The following ADAMTS17 variants were observed in gnomAD, a reference collection of about 807,000 sequenced individuals.
ADAMTS17 encodes the protein A disintegrin and metalloproteinase with thrombospondin motifs 17.
ADAMTS17 carries 113 observed loss-of-function variants against 141.5 expected under a neutral mutation model. The ratio of observed to expected loss-of-function variants is 0.80; its 90% CI spans 0.69 to 0.93. The LOEUF is 0.93. Among genes scored for constraint, ADAMTS17 ranks in the 40% least tolerant of loss-of-function variants. ADAMTS17 has a pLI of 0.00. For missense variants in ADAMTS17, 1,659 were observed against 1,517.9 expected (o/e 1.09, Z -1.54); for synonymous variants, 768 against 630.6 (o/e 1.22, Z -3.27).
At chr15:100,268,587 G>A (rs1233746799) in intron 4 of ADAMTS17, among the ~76,000 whole-genome samples, 1 of 152,178 alleles carries the variant, frequency 6.6e-6, no homozygotes, top group African/African-American at 2.4e-5. Flanking sequence ...CCGTGTGTAT[G>A]TCTTCTTTTG....
chr15:100,035,370 G>A (rs1406741866), intron 18 of ADAMTS17, among the ~76,000 whole-genome samples: 4 of 152,232 alleles, frequency 2.6e-5, no homozygotes, highest in African/African-American at 7.2e-5. Context: ...TAATTCTGGA[G>A]TATTTCCAGA....
At chr15:99,977,749 G>A (rs1274839897) in intron 20 of ADAMTS17, among the ~76,000 whole-genome samples, 2 of 151,954 alleles carry the variant, frequency 1.3e-5, no homozygotes, top group Non-Finnish European at 2.9e-5. Flanking sequence ...TTCCCAGGTA[G>A]GAACTGGCCA....
chr15:100,318,906 G>A (rs1270230212), intron 3 of ADAMTS17, among the ~76,000 whole-genome samples: 3 of 152,260 alleles, frequency 2.0e-5, no homozygotes, highest in Non-Finnish European at 4.4e-5. Flanking sequence ...GTGCAGGGAA[G>A]TCTGTCTGCA....
intron 9 of ADAMTS17, among the ~76,000 whole-genome samples, chr15:100,152,970 T>TCA (rs57637331): frequency 6.6e-6 from 1 of 151,312 alleles, no homozygotes; most frequent in Admixed American, 6.6e-5. Context: ...GAATCTTCGC[T>TCA]CTGAAGGTAG....
intron 3 of ADAMTS17, among the ~76,000 whole-genome samples, chr15:100,303,423 T>C (rs1228911017): frequency 1.3e-5 from 2 of 151,572 alleles, no homozygotes; most frequent in Non-Finnish European, 2.9e-5. Context: ...TTTTTACTTT[T>C]TTGATGGTAT....
intron 3 of ADAMTS17, among the ~76,000 whole-genome samples, chr15:100,320,574 T>C (rs528248808): frequency 6.6e-5 from 10 of 152,332 alleles, no homozygotes; most frequent in African/African-American, 2.4e-4. Context: ...GGCCCACACC[T>C]GTAGTCCCAG....
At chr15:99,975,678 G>A (rs1212655801) in intron 21 of ADAMTS17, among the ~76,000 whole-genome samples, 1 of 152,146 alleles carries the variant, frequency 6.6e-6, no homozygotes, top group Non-Finnish European at 1.5e-5. Context: ...CCCCATGTGT[G>A]CATCCTCATG....
intron 8 of ADAMTS17, among the ~76,000 whole-genome samples, chr15:100,167,546 C>A (rs998898180): frequency 6.6e-6 from 1 of 152,100 alleles, no homozygotes; most frequent in Non-Finnish European, 1.5e-5. Flanking sequence ...GAGAAACCAC[C>A]GGGCTGCACT....
At chr15:100,186,690 G>A (rs2040730263) in intron 8 of ADAMTS17, among the ~76,000 whole-genome samples, 1 of 152,172 alleles carries the variant, frequency 6.6e-6, no homozygotes, top group Non-Finnish European at 1.5e-5. Context: ...TTTAACTGCA[G>A]CAGTATCCAG....
intron 10 of ADAMTS17, among the ~76,000 whole-genome samples, chr15:100,135,341 T>C (rs1362716811): frequency 1.3e-5 from 2 of 151,722 alleles, no homozygotes; most frequent in African/African-American, 4.8e-5. Context: ...TGGAGTGCAG[T>C]AGCGTGATCT....
rs531586849 is a variant in ADAMTS17, at chr15:100,047,485, C to A, written c.2591+1372G>T. Among the ~76,000 whole-genome samples the A allele has an allele frequency of 6.4e-3, 977 of 151,888 alleles. 7 individuals carry two copies. The highest frequency in any genetic ancestry group is 0.024 in the Middle Eastern group (7 of 294). On this transcript the variant is annotated intron_variant, in intron 18 of 21. Coordinates refer to ENST00000268070, the MANE Select transcript of ADAMTS17 (RefSeq NM_139057.4). ...TGTGATGTCTCCCCCGGATGCCCAGCTTTAAAATTTCTCTCTTTTGTACTC... is the reference window on the plus strand; with the variant it reads ...TGTGATGTCTCCCCCGGATGCCCAGATTTAAAATTTCTCTCTTTTGTACTC...
chr15:100,135,519 G>C (rs931618961), intron 10 of ADAMTS17, among the ~76,000 whole-genome samples: 11 of 152,058 alleles, frequency 7.2e-5, no homozygotes, highest in African/African-American at 2.7e-4. Context: ...TCCTGACCTC[G>C]TGATCCACCC....
chr15:100,315,484 G>A (rs2045536461), intron 3 of ADAMTS17, among the ~76,000 whole-genome samples: 1 of 152,158 alleles, frequency 6.6e-6, no homozygotes, highest in Admixed American at 6.5e-5. Context: ...AGGAACATTA[G>A]TCAAGCAAAT....
At position 100,341,545 on chromosome 15, in the gene ADAMTS17, C is replaced by T. The variant is rs562043183; in HGVS notation, c.80-136G>A. On this transcript the variant is annotated intron_variant, in intron 1 of 21. Coordinates refer to ENST00000268070, the MANE Select transcript of ADAMTS17 (RefSeq NM_139057.4). ...TGCCTTCCCTTCCCTCGCCCGGCAC[C>T]TCCACGCTGGCCCGCGCCACCCGGG... The T allele has an allele frequency of 9.6e-4, 862 of 899,614 alleles. 8 individuals carry two copies. The African/African-American group carries it at 0.014, about 15-fold the overall frequency. 55.7% of individuals were successfully genotyped at this position (899,614 alleles called of 1,614,324 possible).
intron 7 of ADAMTS17, among the ~76,000 whole-genome samples, chr15:100,222,846 G>A (rs1354223168): frequency 6.6e-6 from 1 of 152,158 alleles, no homozygotes; most frequent in Non-Finnish European, 1.5e-5. Flanking sequence ...GAATGCTACG[G>A]ACCAGGCAGG....
intron 7 of ADAMTS17, among the ~76,000 whole-genome samples, chr15:100,228,723 T>C (rs1018550704): frequency 6.6e-6 from 1 of 152,208 alleles, no homozygotes; most frequent in Non-Finnish European, 1.5e-5. Context: ...CGTGTTTCCA[T>C]GCAGAGTGAG....
At chr15:100,097,817 A>G (rs2059457680) in intron 14 of ADAMTS17, among the ~76,000 whole-genome samples, 1 of 152,300 alleles carries the variant, frequency 6.6e-6, no homozygotes, top group Admixed American at 6.5e-5. Context: ...CATGCTACTC[A>G]AAGGAATAGG....
intron 3 of ADAMTS17, among the ~76,000 whole-genome samples, chr15:100,311,485 G>A (rs570372957): frequency 5.1e-4 from 77 of 152,264 alleles, no homozygotes; most frequent in Middle Eastern, 3.4e-3. Context: ...TTCTTGATCC[G>A]TCTGCAGCTC....
intron 12 of ADAMTS17, among the ~76,000 whole-genome samples, chr15:100,126,981 T>C (rs1415568342): frequency 1.3e-5 from 2 of 152,196 alleles, no homozygotes; most frequent in African/African-American, 4.8e-5. Flanking sequence ...GCACCCCATT[T>C]GAAGCAGGCT....
Sources: gnomAD v4.1 joint callset for allele counts (sites outside exome capture counted in the v4.1 genomes callset) on GRCh38, gnomAD v4.1.1 for gene constraint, MANE v1.5 for transcripts, NCBI Gene and HGNC (gene_info 2026-07-23, HGNC 2026-07-21) for gene names.